Variants in POLR3B observed in about 807,000 individuals in gnomAD.
POLR3B encodes the protein RNA polymerase III subunit B.
A neutral mutation model predicts 147.4 loss-of-function variants in POLR3B; 96 were observed. That is an observed-to-expected ratio of 0.65 (90% confidence interval 0.55 to 0.77). The LOEUF (loss-of-function observed/expected upper bound fraction) is 0.77. Ranked by LOEUF, POLR3B falls within the 30% of genes least tolerant of loss-of-function variation. The probability of loss-of-function intolerance (pLI) is 0.00; values close to 1 mark genes in which losing one functional copy is unlikely to be tolerated. For missense variants in POLR3B, 1,036 were observed against 1,413.5 expected (o/e 0.73, Z 4.28); for synonymous variants, 461 against 485.9 (o/e 0.95, Z 0.67).
At chr12:106,507,921 C>G in intron 27 of POLR3B, 1 of 400,828 alleles carries the variant, frequency 2.5e-6, no homozygotes, top group Admixed American at 2.9e-5. Context: ...TCCCACCACC[C>G]AGAGATGACC....
At chr12:106,477,891 CTTTTTTT>C (rs34915594) in intron 23 of POLR3B, among the ~76,000 whole-genome samples, 29 of 70,548 alleles carry the variant, frequency 4.1e-4, no homozygotes, top group Non-Finnish European at 4.0e-4. Context: ...GGCTCCTCCC[CTTTTTTT>C]TTTTTTTTTT....
At chr12:106,399,755 T>C (rs1221977133) in intron 10 of POLR3B, among the ~76,000 whole-genome samples, 1 of 152,098 alleles carries the variant, frequency 6.6e-6, no homozygotes, top group Non-Finnish European at 1.5e-5. Flanking sequence ...AGAAATAAAA[T>C]ACTTTACAGA....
intron 12 of POLR3B, among the ~76,000 whole-genome samples, chr12:106,420,604 T>C (rs2037362090): frequency 6.6e-6 from 1 of 152,204 alleles, no homozygotes; most frequent in Non-Finnish European, 1.5e-5. Context: ...ATGATTATTA[T>C]CTGCAGATGA....
intron 9 of POLR3B, among the ~76,000 whole-genome samples, chr12:106,383,709 A>G (rs902641008): frequency 6.6e-6 from 1 of 152,074 alleles, no homozygotes; most frequent in Non-Finnish European, 1.5e-5. Context: ...GCCGGGCGCA[A>G]TAGCTCACGC....
intron 16 of POLR3B, among the ~76,000 whole-genome samples, chr12:106,434,926 C>T (rs948347902): frequency 4.6e-5 from 7 of 152,148 alleles, no homozygotes; most frequent in African/African-American, 1.7e-4. Context: ...TGAGGTCAGT[C>T]AGACCCCCTC....
intron 19 of POLR3B, among the ~76,000 whole-genome samples, chr12:106,452,567 G>A (rs2037811009): frequency 6.6e-6 from 1 of 152,206 alleles, no homozygotes; most frequent in African/African-American, 2.4e-5. Flanking sequence ...CTCCAGCTGA[G>A]TAAGGTATAC....
intron 23 of POLR3B, among the ~76,000 whole-genome samples, chr12:106,468,630 C>A (rs948870073): frequency 6.6e-6 from 1 of 152,166 alleles, no homozygotes; most frequent in Non-Finnish European, 1.5e-5. Context: ...CCCAGAGATT[C>A]TGGTATGTTG....
At chr12:106,480,891 G>T (rs2038257849) in intron 23 of POLR3B, among the ~76,000 whole-genome samples, 1 of 151,212 alleles carries the variant, frequency 6.6e-6, no homozygotes, top group Non-Finnish European at 1.5e-5. Flanking sequence ...AAAGCTGGGA[G>T]GGGGGATGGG....
In POLR3B at chr12:106,393,185, A is replaced by T. The variant is rs767889505; in HGVS notation, c.846+32A>T. 3 of 1,613,254 alleles carry T rather than the reference A, an allele frequency of 1.9e-6. No individual in the cohort carries two copies. The East Asian group carries it at 6.7e-5, about 36-fold the overall frequency. ...CTTTTCATGTTGTCCTTTGCTATGA[A>T]ATGGAATTGGAGACTTAATGCTGCT... On this transcript the variant is annotated intron_variant, in intron 10 of 27. Coordinates refer to ENST00000228347, the MANE Select transcript of POLR3B (RefSeq NM_018082.6).
chr12:106,446,415 CACA>C, intron 19 of POLR3B: 20 of 127,510 alleles, frequency 1.6e-4, no homozygotes, highest in East Asian at 4.6e-4. Flanking sequence ...CTCCTCTCCC[CACA>C]AAAAAAAAAA....
chr12:106,508,829 GA>G (rs1244801906), intron 27 of POLR3B, among the ~76,000 whole-genome samples: 3 of 152,214 alleles, frequency 2.0e-5, no homozygotes, highest in Non-Finnish European at 4.4e-5. Context: ...AACACTCATA[GA>G]AATCACCAAG....
chr12:106,358,321 T>C, intron 1 of POLR3B: 1 of 1,038,762 alleles, frequency 9.6e-7, no homozygotes, highest in Non-Finnish European at 1.2e-6. Flanking sequence ...TCAGGCCATT[T>C]GCATGAGGCA....
At chr12:106,394,447 G>C (rs972252073) in intron 10 of POLR3B, among the ~76,000 whole-genome samples, 2 of 152,194 alleles carry the variant, frequency 1.3e-5, no homozygotes, top group African/African-American at 4.8e-5. Flanking sequence ...CAAGGAGGCA[G>C]AAAATGTAGA....
intron 21 of POLR3B, 105 bp downstream of exon 21, chr12:106,457,401 T>G: frequency 2.3e-6 from 2 of 881,962 alleles, no homozygotes; most frequent in Admixed American, 2.1e-5. Flanking sequence ...AGTAACAACC[T>G]ATAAAACCAC....
chr12:106,472,513 C>T (rs1450399857), intron 23 of POLR3B, among the ~76,000 whole-genome samples: 1 of 150,690 alleles, frequency 6.6e-6, no homozygotes, highest in African/African-American at 2.5e-5. Context: ...TTCACATCCT[C>T]TCCAGCACCT....
intron 19 of POLR3B, among the ~76,000 whole-genome samples, chr12:106,447,994 A>G (rs980393260): frequency 6.6e-6 from 1 of 152,190 alleles, no homozygotes; most frequent in Non-Finnish European, 1.5e-5. Context: ...TAAAAACACA[A>G]TATACAAAGA....
intron 27 of POLR3B, among the ~76,000 whole-genome samples, chr12:106,506,703 T>C (rs901014647): frequency 1.3e-5 from 2 of 152,216 alleles, no homozygotes; most frequent in Non-Finnish European, 2.9e-5. Context: ...TGAGGGTCTT[T>C]ACTGTAATTA....
rs2038745487 is a variant in POLR3B at position 106,509,692 on chromosome 12, C to G, written c.*143C>G. 1.4e-6 allele frequency: 1 copy of G among 725,912 alleles called. No homozygotes were observed. The highest frequency in any genetic ancestry group is 1.8e-5 in the African/African-American group (1 of 57,032). The allele number at this position is 725,912 out of a possible 1,614,324, so 45.0% of individuals were successfully genotyped here. ...AAACAACCAAAAAAAAATGGAGAGGCTTTTTATATACTCTAAGACTGGCTA... is the reference window on the plus strand; with the variant it reads ...AAACAACCAAAAAAAAATGGAGAGGGTTTTTATATACTCTAAGACTGGCTA... On this transcript the variant is annotated 3_prime_UTR_variant, in exon 28 of 28. Coordinates refer to ENST00000228347, the MANE Select transcript of POLR3B (RefSeq NM_018082.6).
At chr12:106,429,222 A>G (rs2037476352) in intron 13 of POLR3B, among the ~76,000 whole-genome samples, 1 of 152,050 alleles carries the variant, frequency 6.6e-6, no homozygotes, top group Non-Finnish European at 1.5e-5. Context: ...GTGCAATCTC[A>G]GCTCCCTGCA....
Sources: allele counts gnomAD v4.1 joint callset (sites outside exome capture counted in the v4.1 genomes callset), GRCh38; gene constraint gnomAD v4.1.1; transcripts MANE v1.5; gene names NCBI Gene and HGNC (gene_info 2026-07-23, HGNC 2026-07-21).